TMEFF2: variants seen among roughly 807,000 people sequenced by gnomAD.
The protein encoded by TMEFF2 is transmembrane protein with EGF like and two follistatin like domains 2, also known as tomoregulin-2.
TMEFF2 carries 28 observed loss-of-function variants against 53.8 expected under a neutral mutation model. The observed-to-expected ratio is 0.52, with a 90% CI of 0.39 to 0.71. The LOEUF (loss-of-function observed/expected upper bound fraction) is 0.71. Among genes scored for constraint, TMEFF2 ranks in the 30% least tolerant of loss-of-function variants. TMEFF2 has a pLI of 0.00. For missense variants in TMEFF2, 353 were observed against 455.2 expected (o/e 0.78, Z 2.04); for synonymous variants, 162 against 166.3 (o/e 0.97, Z 0.20).
chr2:192,133,887 T>C (rs1220374157), intron 4 of TMEFF2, among the ~76,000 whole-genome samples: 1 of 152,194 alleles, frequency 6.6e-6, no homozygotes, highest in Admixed American at 6.5e-5. Flanking sequence ...TCCCTGCTGA[T>C]CGTGTCCGAT....
rs1040889283 is a variant in TMEFF2, at chr2:191,950,082, G to A, written c.*229C>T. The A allele has an allele frequency of 1.6e-6, 2 of 1,261,110 alleles. No individual in the cohort carries two copies. Among genetic ancestry groups the A allele is most frequent in the African/African-American group, 1.5e-5 (1 of 65,738 alleles). 78.1% of individuals were successfully genotyped at this position (1,261,110 alleles called of 1,614,324 possible). On this transcript the variant is annotated 3_prime_UTR_variant, in exon 10 of 10. Transcript: ENST00000272771. ...CATGGGAAAGAAAAAACTATATTGT[G>A]TGATATAAATAGTTTATTTACATTA...
At chr2:192,024,727 G>A (rs75539323) in intron 5 of TMEFF2, among the ~76,000 whole-genome samples, 9 of 152,076 alleles carry the variant, frequency 5.9e-5, no homozygotes, top group African/African-American at 1.7e-4. Flanking sequence ...GTCTAGCCTC[G>A]GCTTTATTTA....
chr2:191,974,232 G>A (rs1692736554), intron 7 of TMEFF2, among the ~76,000 whole-genome samples: 1 of 152,128 alleles, frequency 6.6e-6, no homozygotes, highest in Admixed American at 6.5e-5. Flanking sequence ...AAACAATTTT[G>A]TGTGAAAGCT....
At chr2:192,157,562 T>A (rs973656832) in intron 4 of TMEFF2, among the ~76,000 whole-genome samples, 1 of 152,004 alleles carries the variant, frequency 6.6e-6, no homozygotes, top group Non-Finnish European at 1.5e-5. Context: ...CTCCAATATA[T>A]CATATGTCAA....
chr2:192,123,240 G>C (rs545288483), intron 4 of TMEFF2, among the ~76,000 whole-genome samples: 9 of 152,228 alleles, frequency 5.9e-5, no homozygotes, highest in Admixed American at 3.3e-4. Flanking sequence ...ATGATGTTTG[G>C]CAGCATCTGT....
intron 4 of TMEFF2, among the ~76,000 whole-genome samples, chr2:192,151,973 T>A (rs552002752): frequency 6.6e-6 from 1 of 151,962 alleles, no homozygotes; most frequent in East Asian, 1.9e-4. Flanking sequence ...TTGTGAGTCA[T>A]GTCCTTAGTG....
At chr2:192,013,716 C>T (rs1686683734) in intron 5 of TMEFF2, among the ~76,000 whole-genome samples, 1 of 152,162 alleles carries the variant, frequency 6.6e-6, no homozygotes, top group Admixed American at 6.5e-5. Context: ...TCCCAAAGTG[C>T]TGGGATTTAC....
chr2:192,169,812 T>C (rs1052681467), intron 4 of TMEFF2, among the ~76,000 whole-genome samples: 2 of 152,056 alleles, frequency 1.3e-5, no homozygotes, highest in Non-Finnish European at 2.9e-5. Context: ...CCACATTCTA[T>C]TTCAAAGCAG....
intron 4 of TMEFF2, among the ~76,000 whole-genome samples, chr2:192,060,086 A>G (rs981229523): frequency 7.3e-5 from 11 of 150,264 alleles, no homozygotes; most frequent in African/African-American, 2.2e-4. Context: ...ATCCTTGGAG[A>G]TACTGAATTG....
At chr2:192,010,826 G>A (rs1686609181) in intron 5 of TMEFF2, among the ~76,000 whole-genome samples, 1 of 152,226 alleles carries the variant, frequency 6.6e-6, no homozygotes, top group Non-Finnish European at 1.5e-5. Context: ...CACGGAGGAT[G>A]TGATGCTTAA....
chr2:192,114,231 T>C (rs1317622198), intron 4 of TMEFF2, among the ~76,000 whole-genome samples: 1 of 151,966 alleles, frequency 6.6e-6, no homozygotes, highest in Non-Finnish European at 1.5e-5. Context: ...AAGAATCATA[T>C]TATGTTATAT....
chr2:192,089,930 C>T (rs115580123), intron 4 of TMEFF2, among the ~76,000 whole-genome samples: 255 of 152,220 alleles, frequency 1.7e-3, no homozygotes, highest in African/African-American at 5.0e-3. Context: ...CTTTTCTCCA[C>T]GCATTGACTT....
intron 5 of TMEFF2, among the ~76,000 whole-genome samples, chr2:192,054,192 G>A (rs1053850122): frequency 6.6e-6 from 1 of 151,162 alleles, no homozygotes; most frequent in Admixed American, 6.6e-5. Context: ...AGATATCATA[G>A]CCAAGAGCTA....
chr2:191,978,633 C>T (rs1441839640), intron 7 of TMEFF2, among the ~76,000 whole-genome samples: 3 of 151,988 alleles, frequency 2.0e-5, no homozygotes, highest in Non-Finnish European at 1.5e-5. Flanking sequence ...AGCTTATTTT[C>T]TCAGCCTGAG....
intron 5 of TMEFF2, among the ~76,000 whole-genome samples, chr2:192,005,161 G>A (rs1428063935): frequency 6.6e-6 from 1 of 152,136 alleles, no homozygotes; most frequent in African/African-American, 2.4e-5. Flanking sequence ...TAAGATAGAA[G>A]AGAAATAGGA....
chr2:192,186,752 C>T (rs940863606), intron 2 of TMEFF2, among the ~76,000 whole-genome samples: 2 of 152,070 alleles, frequency 1.3e-5, no homozygotes, highest in African/African-American at 2.4e-5. Flanking sequence ...TATTTGGGTC[C>T]GTGTTTTCTT....
At chr2:192,164,462 G>T (rs1690706250) in intron 4 of TMEFF2, among the ~76,000 whole-genome samples, 1 of 152,160 alleles carries the variant, frequency 6.6e-6, no homozygotes, top group South Asian at 2.1e-4. Flanking sequence ...AGGCGCGGTG[G>T]CTCATGCCTG....
intron 5 of TMEFF2, among the ~76,000 whole-genome samples, 155 bp downstream of exon 5, chr2:192,057,524 C>G (rs1042692861): frequency 6.6e-6 from 1 of 151,990 alleles, no homozygotes; most frequent in African/African-American, 2.4e-5. Context: ...AATCCAGTTC[C>G]AGAAATTCCT....
chr2:192,049,668 G>A (rs1687715819), intron 5 of TMEFF2, among the ~76,000 whole-genome samples: 1 of 152,120 alleles, frequency 6.6e-6, no homozygotes, highest in Admixed American at 6.5e-5. Flanking sequence ...TTAACAGGGT[G>A]TGGCCTGCAA....
Sources: gnomAD v4.1 joint callset for allele counts (sites outside exome capture counted in the v4.1 genomes callset) on GRCh38, gnomAD v4.1.1 for gene constraint, MANE v1.5 for transcripts, NCBI Gene and HGNC (gene_info 2026-07-23, HGNC 2026-07-21) for gene names.